RIMS1: variants seen among roughly 807,000 people sequenced by gnomAD.
RIMS1 encodes the protein regulating synaptic membrane exocytosis 1, also known as regulating synaptic membrane exocytosis protein 1.
Under a neutral mutation model 214.1 loss-of-function variants are expected in RIMS1, and 83 were observed. That is an observed-to-expected ratio of 0.39 (90% confidence interval 0.32 to 0.47). The LOEUF (loss-of-function observed/expected upper bound fraction) is 0.47, where lower values mean the gene tolerates loss of function less well. Ranked by LOEUF, RIMS1 falls within the 20% of genes least tolerant of loss-of-function variation. RIMS1 has a pLI of 0.99. For synonymous variants in RIMS1, 793 were observed against 786.8 expected (o/e 1.01, Z -0.13); for missense variants, 2,050 against 2,161.8 (o/e 0.95, Z 1.03).
chr6:72,026,778 T>C (rs1816650395), intron 2 of RIMS1, among the ~76,000 whole-genome samples: 1 of 152,172 alleles, frequency 6.6e-6, no homozygotes. Flanking sequence ...GCACTTTTTG[T>C]ATACTGCCTT....
At chr6:72,275,538 A>G (rs939987901) in intron 23 of RIMS1, among the ~76,000 whole-genome samples, 2 of 152,120 alleles carry the variant, frequency 1.3e-5, no homozygotes, top group African/African-American at 4.8e-5. Flanking sequence ...CTACAAACTG[A>G]TATTTTATGA....
At chr6:72,226,719 A>G (rs897370133) in intron 6 of RIMS1, among the ~76,000 whole-genome samples, 2 of 150,666 alleles carry the variant, frequency 1.3e-5, no homozygotes, top group East Asian at 3.9e-4. Flanking sequence ...CCAATTAATA[A>G]TTTTTACAAA....
At chr6:72,369,217 G>T (rs1031136637) in intron 29 of RIMS1, among the ~76,000 whole-genome samples, 1 of 151,774 alleles carries the variant, frequency 6.6e-6, no homozygotes, top group Non-Finnish European at 1.5e-5. Context: ...ATCTCAATAT[G>T]GGAAGACCAA....
chr6:72,293,647 C>T (rs2093717021), intron 26 of RIMS1, among the ~76,000 whole-genome samples: 1 of 151,766 alleles, frequency 6.6e-6, no homozygotes, highest in African/African-American at 2.4e-5. Context: ...GGTTCAAAAG[C>T]ATATAAGGGT....
At chr6:71,912,933 G>C (rs1777350450) in intron 1 of RIMS1, among the ~76,000 whole-genome samples, 1 of 152,078 alleles carries the variant, frequency 6.6e-6, no homozygotes, top group African/African-American at 2.4e-5. Flanking sequence ...AAAAACAAAT[G>C]TGAAAAATGA....
At chr6:72,049,688 T>C (rs1824072628) in intron 2 of RIMS1, among the ~76,000 whole-genome samples, 1 of 152,230 alleles carries the variant, frequency 6.6e-6, no homozygotes, top group Admixed American at 6.5e-5. Flanking sequence ...TTTGTAGACA[T>C]ACGGCTTTCA....
At chr6:72,361,475 A>C (rs1051119603) in intron 29 of RIMS1, among the ~76,000 whole-genome samples, 2 of 152,184 alleles carry the variant, frequency 1.3e-5, no homozygotes, top group African/African-American at 2.4e-5. Flanking sequence ...TCCAGGGGTC[A>C]GAAGTCTAAA....
intron 1 of RIMS1, among the ~76,000 whole-genome samples, chr6:71,949,628 G>T (rs78651046): frequency 6.6e-6 from 1 of 152,054 alleles, no homozygotes; most frequent in Non-Finnish European, 1.5e-5. Context: ...GATAATCTCC[G>T]TAAATGTTAA....
At chr6:72,374,105 G>T (rs1269912198) in intron 29 of RIMS1, among the ~76,000 whole-genome samples, 1 of 152,028 alleles carries the variant, frequency 6.6e-6, no homozygotes, top group Admixed American at 6.5e-5. Flanking sequence ...AGTAGACATG[G>T]GGTTTCAGCG....
At chr6:72,026,321 G>A (rs1451661105) in intron 2 of RIMS1, among the ~76,000 whole-genome samples, 1 of 152,070 alleles carries the variant, frequency 6.6e-6, no homozygotes, top group Non-Finnish European at 1.5e-5. Flanking sequence ...GTGGCCTATA[G>A]TATATTATAT....
chr6:72,337,339 T>C (rs999282424), intron 29 of RIMS1, among the ~76,000 whole-genome samples: 2 of 151,832 alleles, frequency 1.3e-5, no homozygotes, highest in African/African-American at 4.8e-5. Context: ...GAAGGCATTA[T>C]TGGGAAGGTT....
rs779952862 is a variant in RIMS1 at position 72,390,590 on chromosome 6, C to G, written c.4367-8C>G. The G allele has an allele frequency of 6.2e-7, 1 of 1,609,714 alleles. No individual in the cohort carries two copies. Among genetic ancestry groups the G allele is most frequent in the Admixed American group, 1.7e-5 (1 of 59,262 alleles). On this transcript the variant is annotated splice_region_variant and splice_polypyrimidine_tract_variant and intron_variant, in intron 29 of 33. Coordinates refer to ENST00000521978, the MANE Select transcript of RIMS1 (RefSeq NM_014989.7). ...AAACTTAGAGTTTCTTTTACTCTCT[C>G]CTGTCAGAGTCGGGCCACAAAAAGT...
intron 2 of RIMS1, among the ~76,000 whole-genome samples, chr6:72,070,836 G>A (rs1830419400): frequency 6.6e-6 from 1 of 152,154 alleles, no homozygotes. Flanking sequence ...ATCACTTTTA[G>A]ATTAGGAGTC....
intron 29 of RIMS1, among the ~76,000 whole-genome samples, chr6:72,372,616 G>C (rs1191421179): frequency 6.6e-6 from 1 of 152,136 alleles, no homozygotes; most frequent in Non-Finnish European, 1.5e-5. Flanking sequence ...TCTCCCTTTT[G>C]TACCTTTGTA....
chr6:72,332,494 A>G (rs1341062594), intron 28 of RIMS1, among the ~76,000 whole-genome samples: 5 of 129,930 alleles, frequency 3.8e-5, no homozygotes, highest in Admixed American at 9.5e-5. Context: ...ATGAGAACAC[A>G]TGGACACAGG....
At chr6:71,917,489 A>G (rs1778763292) in intron 1 of RIMS1, among the ~76,000 whole-genome samples, 1 of 152,178 alleles carries the variant, frequency 6.6e-6, no homozygotes, top group African/African-American at 2.4e-5. Context: ...GTAGCTGGTA[A>G]GTCTGTGTGA....
rs137961639 is a variant in RIMS1, at chr6:71,940,882, T to G, written c.165-28101T>G. On this transcript the variant is annotated intron_variant, in intron 1 of 33. Transcript: ENST00000521978. ...AAAAGACATGTTAGGGTTGTGAAAC[T>G]GGCAAGAGGCTCAGAAGATTTATGT... Among the ~76,000 whole-genome samples, 654 of 152,218 alleles carry G rather than the reference T, an allele frequency of 4.3e-3. 6 individuals carry two copies. Among genetic ancestry groups the G allele is most frequent in the African/African-American group, 0.015 (630 of 41,546 alleles).
At chr6:72,161,334 C>T (rs554426838) in intron 4 of RIMS1, among the ~76,000 whole-genome samples, 3 of 139,636 alleles carry the variant, frequency 2.1e-5, no homozygotes, top group East Asian at 4.1e-4. Context: ...TTTCAAAAAA[C>T]GAGCTCCTGG....
At chr6:72,228,658 C>T (rs114860931) in intron 6 of RIMS1, among the ~76,000 whole-genome samples, 277 of 151,996 alleles carry the variant, frequency 1.8e-3, no homozygotes, top group Middle Eastern at 6.8e-3. Flanking sequence ...ATTCTGATCT[C>T]AATTCCTTTG....
Sources: allele counts gnomAD v4.1 joint callset (sites outside exome capture counted in the v4.1 genomes callset), GRCh38; gene constraint gnomAD v4.1.1; transcripts MANE v1.5; gene names NCBI Gene and HGNC (gene_info 2026-07-23, HGNC 2026-07-21).